RIOK3: variants seen among roughly 807,000 people sequenced by gnomAD.
The protein encoded by RIOK3 is serine/threonine-protein kinase RIO3.
In RIOK3, 40 loss-of-function variants were observed where a neutral mutation model predicts 63.5. The observed-to-expected ratio is 0.63, with a 90% CI of 0.49 to 0.82. The LOEUF (loss-of-function observed/expected upper bound fraction) is 0.82, where lower values mean the gene tolerates loss of function less well. RIOK3 is among the 40% of genes least tolerant of loss of function. The probability of loss-of-function intolerance (pLI) is 0.00; values close to 1 mark genes in which losing one functional copy is unlikely to be tolerated. For missense variants in RIOK3, 557 were observed against 637.0 expected (o/e 0.87, Z 1.35); for synonymous variants, 193 against 205.0 (o/e 0.94, Z 0.50).
In RIOK3 at chr18:23,453,512, A is replaced by G; in HGVS notation, c.63+10A>G. The G allele has an allele frequency of 6.2e-7, 1 of 1,607,512 alleles. No individual in the cohort carries two copies. The highest frequency in any genetic ancestry group is 8.5e-7 in the Non-Finnish European group (1 of 1,174,202). On this transcript the variant is annotated intron_variant, in intron 1 of 12. Transcript: ENST00000339486. ...CTGGGGACCCAGCAAGGTAAGTGGC[A>G]GACGAGACTGGAGTACTAGCCTTGG...
chr18:23,453,631 G>C (rs2057318748), intron 1 of RIOK3, 129 bp downstream of exon 1: 2 of 799,772 alleles, frequency 2.5e-6, no homozygotes, highest in Admixed American at 1.9e-5. Flanking sequence ...CCTCGGCAAG[G>C]GGGCACTGGC....
chr18:23,479,496 GAGCT>G, intron 12 of RIOK3, 72 bp downstream of exon 12: 1 of 818,952 alleles, frequency 1.2e-6, no homozygotes, highest in Non-Finnish European at 2.0e-6. Flanking sequence ...CTGAAACCCA[GAGCT>G]AGTTTTATCC....
rs759339833 is a variant in RIOK3, at chr18:23,477,259, T to C, written c.1335T>C (p.Asn445=). The C allele has an allele frequency of 6.2e-7, 1 of 1,613,910 alleles. No individual in the cohort carries two copies. Among genetic ancestry groups the C allele is most frequent in the Non-Finnish European group, 8.5e-7 (1 of 1,179,742 alleles). ...GLEFLFRDCR[N]VSQFFQKGGV... Reference sequence around the variant, plus strand: ...AGTTCTTGTTCCGGGACTGCAGGAATGTCTCGCAGGTAGACGTGTAAACCA... The same window carrying C: ...AGTTCTTGTTCCGGGACTGCAGGAACGTCTCGCAGGTAGACGTGTAAACCA... Residue 445 remains asparagine, a synonymous_variant, in exon 11 of 13, where the codon AAT becomes AAC. Coordinates refer to ENST00000339486, the MANE Select transcript of RIOK3 (RefSeq NM_003831.5).
At chr18:23,480,945 C>T (rs961367856) in intron 12 of RIOK3, among the ~76,000 whole-genome samples, 3 of 151,952 alleles carry the variant, frequency 2.0e-5, no homozygotes, top group African/African-American at 7.3e-5. Context: ...AATTAGCTGG[C>T]GTGGTGGCAC....
At chr18:23,458,232 A>G (rs946830061) in intron 1 of RIOK3, among the ~76,000 whole-genome samples, 1 of 151,516 alleles carries the variant, frequency 6.6e-6, no homozygotes, top group Non-Finnish European at 1.5e-5. Flanking sequence ...TTGATTCTTT[A>G]CCCATAATTG....
intron 1 of RIOK3, among the ~76,000 whole-genome samples, chr18:23,453,729 G>A (rs551483761): frequency 2.6e-5 from 4 of 152,352 alleles, no homozygotes; most frequent in East Asian, 3.9e-4. Context: ...AGTGGTTAGG[G>A]CTCTCTATTT....
At chr18:23,458,431 G>C (rs569995791) in intron 1 of RIOK3, among the ~76,000 whole-genome samples, 1 of 152,082 alleles carries the variant, frequency 6.6e-6, no homozygotes, top group Non-Finnish European at 1.5e-5. Context: ...AAACAGGGTG[G>C]GTCTTAGGGT....
chr18:23,467,290 G>A, intron 6 of RIOK3, 109 bp from the exon 7 acceptor site: 3 of 911,466 alleles, frequency 3.3e-6, no homozygotes, highest in South Asian at 3.4e-5. Context: ...CTCTAGCCTG[G>A]GTGACAAGAG....
In RIOK3 at chr18:23,453,401, A is replaced by C. The variant is rs1598799447; in HGVS notation, c.-39A>C. 1.3e-6 allele frequency: 2 copies of C among 1,545,914 alleles called. No individual in the cohort carries two copies. Among genetic ancestry groups the C allele is most frequent in the Non-Finnish European group, 1.8e-6 (2 of 1,119,032 alleles). ...GGCGGAGCCTGCTGCCCGTCCTGCC[A>C]CCTCTCTGCTCTGTTCTTGTCTCTG... is the stretch of plus-strand genomic sequence containing the variant. On this transcript the variant is annotated 5_prime_UTR_variant, in exon 1 of 13. Coordinates refer to ENST00000339486, the MANE Select transcript of RIOK3 (RefSeq NM_003831.5).
intron 7 of RIOK3, among the ~76,000 whole-genome samples, chr18:23,470,329 C>T (rs890831988): frequency 2.0e-5 from 3 of 150,236 alleles, no homozygotes; most frequent in Non-Finnish European, 4.4e-5. Flanking sequence ...CGCGCCACTG[C>T]ACTCCAGCCT....
chr18:23,479,055 C>T lies in RIOK3; in HGVS notation c.1345-262C>T, dbSNP rs2057513410. On this transcript the variant is annotated intron_variant, in intron 11 of 12. Coordinates refer to ENST00000339486, the MANE Select transcript of RIOK3 (RefSeq NM_003831.5). ...GTAGTGGCTCAAGAGATCCTCCCTC[C>T]TTGGCCTCCCAAAGTGTTGGGATAA... 5 of 331,208 alleles carry T rather than the reference C, an allele frequency of 1.5e-5. No individual in the cohort carries two copies. In the South Asian group the frequency reaches 1.9e-4, roughly 13 times the overall value. The allele number at this position is 331,208 out of a possible 1,614,324, so 20.5% of individuals were successfully genotyped here. A position where few individuals can be genotyped will look rare whatever the true frequency, so the allele number is the denominator to read the frequency against.
At chr18:23,455,613 G>A (rs12607961) in intron 1 of RIOK3, among the ~76,000 whole-genome samples, 23,697 of 151,408 alleles carry the variant, frequency 0.16, 2,916 homozygotes, top group East Asian at 0.34. Context: ...AGATGGTCTC[G>A]ATCTCCTGAC....
intron 11 of RIOK3, 71 bp from the exon 12 acceptor site, chr18:23,479,246 G>C: frequency 1.1e-6 from 1 of 913,796 alleles, no homozygotes; most frequent in South Asian, 1.4e-5. Context: ...TAAATGTGCT[G>C]CTCCCTGTTT....
chr18:23,467,007 C>T (rs543763477), intron 6 of RIOK3, among the ~76,000 whole-genome samples: 1 of 150,724 alleles, frequency 6.6e-6, no homozygotes, highest in Admixed American at 6.7e-5. Flanking sequence ...GTCTCTCTCT[C>T]TGTCTCTAAA....
intron 11 of RIOK3, 151 bp downstream of exon 11, chr18:23,477,419 G>A: frequency 1.5e-6 from 1 of 663,700 alleles, no homozygotes; most frequent in Non-Finnish European, 2.7e-6. Context: ...AGATCAATTT[G>A]TCATATTTCA....
At chr18:23,465,798 T>G (rs1468058063) in intron 5 of RIOK3, among the ~76,000 whole-genome samples, 1 of 152,246 alleles carries the variant, frequency 6.6e-6, no homozygotes, top group African/African-American at 2.4e-5. Context: ...TTGTATTTCT[T>G]TGGTAAGATT....
Position 23,467,442 on chromosome 18 carries a change from T to C in RIOK3, c.731T>C (p.Met244Thr), listed in dbSNP as rs1406500195. The C allele has an allele frequency of 1.9e-6, 3 of 1,613,118 alleles. No individual in the cohort carries two copies. The highest frequency in any genetic ancestry group is 2.5e-6 in the Non-Finnish European group (3 of 1,179,310). Reference protein sequence around the residue: ...DPKTRLLMYKMVNSGMLETIT... With the variant: ...DPKTRLLMYKTVNSGMLETIT... ...AAGACACGTTTACTTATGTATAAAA[T>C]GGTCAACTCTGGAATGTTGGAGACA... Residue 244 changes from methionine to threonine, a missense_variant, in exon 7 of 13, where the codon ATG becomes ACG. Around this residue, in one of 3 missense-constraint regions of RIOK3, gnomAD observed 309 missense variants for 338.7 expected, o/e 0.91. Transcript: ENST00000339486.
rs1335490784 is a variant in RIOK3 at position 23,477,105 on chromosome 18, T to C, written c.1254+19T>C. 1.2e-6 allele frequency: 2 copies of C among 1,612,930 alleles called. No individual in the cohort carries two copies. The highest frequency in any genetic ancestry group is 2.7e-5 in the African/African-American group (2 of 74,896). ...TGGAAAGGTGAGGAGCACATTTTGT[T>C]AACATTCAGATTTAATTACTGTAAG... On this transcript the variant is annotated intron_variant, in intron 10 of 12. Coordinates refer to ENST00000339486, the MANE Select transcript of RIOK3 (RefSeq NM_003831.5).
intron 1 of RIOK3, among the ~76,000 whole-genome samples, chr18:23,461,734 A>T (rs1053159359): frequency 2.6e-5 from 4 of 152,052 alleles, no homozygotes; most frequent in African/African-American, 9.7e-5. Context: ...GGTCTGACAG[A>T]ATATTACTGT....
Sources: gnomAD v4.1 joint callset for allele counts (sites outside exome capture counted in the v4.1 genomes callset) on GRCh38, gnomAD v4.1.1 for gene constraint, gnomAD v4.1.1 regional missense constraint, MANE v1.5 for transcripts, NCBI Gene and HGNC (gene_info 2026-07-23, HGNC 2026-07-21) for gene names.